PSMG2: variants seen among roughly 807,000 people sequenced by gnomAD.
The protein encoded by PSMG2 is CD40 ligand-activated specific transcript 3.
In PSMG2, 21 loss-of-function variants were observed where a neutral mutation model predicts 31.5. The observed-to-expected ratio is 0.67, with a 90% CI of 0.47 to 0.96. PSMG2 has a LOEUF of 0.96. Among genes scored for constraint, PSMG2 ranks in the 40% least tolerant of loss-of-function variants. The probability of loss-of-function intolerance (pLI) is 0.00; values close to 1 mark genes in which losing one functional copy is unlikely to be tolerated. For missense variants in PSMG2, 318 were observed against 321.2 expected (o/e 0.99, Z 0.08); for synonymous variants, 120 against 110.4 (o/e 1.09, Z -0.54).
intron 1 of PSMG2, chr18:12,685,543 C>T (rs1042189177): frequency 6.6e-6 from 1 of 152,116 alleles, no homozygotes; most frequent in Admixed American, 6.6e-5. Flanking sequence ...GAACAAGGTT[C>T]TGACGTGGTC....
chr18:12,702,425 G>A (rs1398564570), upstream of PSMG2: 12 of 1,331,078 alleles, frequency 9.0e-6, no homozygotes, highest in Non-Finnish European at 1.2e-5. Flanking sequence ...CGGGGCCGCC[G>A]GGCAGGAGGG....
At chr18:12,693,655 C>T (rs1047680287) in intron 1 of PSMG2, among the ~76,000 whole-genome samples, 1 of 151,956 alleles carries the variant, frequency 6.6e-6, no homozygotes. Flanking sequence ...TGGTGGCACC[C>T]ACCTGTAGTC....
chr18:12,683,170 T>C (rs2039409837), intron 1 of PSMG2, among the ~76,000 whole-genome samples: 2 of 92,996 alleles, frequency 2.2e-5, no homozygotes, highest in Non-Finnish European at 4.6e-5. Flanking sequence ...AGAAACCCCA[T>C]CTCTACTAAA....
rs1165889750 is a variant in PSMG2 at position 12,713,767 on chromosome 18, C to CT, written c.288+1020dup. Among the ~76,000 whole-genome samples, 1,179 of 145,632 alleles carry CT rather than the reference C, an allele frequency of 8.1e-3. 12 individuals carry two copies. The highest frequency in any genetic ancestry group is 0.023 in the African/African-American group (928 of 39,988). ...ACCCTGCAAACTCAATAATTTCTTT[C>CT]TTTTTTTTTTTTTGAGACAGTCTCC... On this transcript the variant is annotated intron_variant, in intron 3 of 6. Transcript: ENST00000317615.
intron 1 of PSMG2, among the ~76,000 whole-genome samples, chr18:12,688,930 C>T (rs2039646709): frequency 6.6e-6 from 1 of 152,016 alleles, no homozygotes; most frequent in Non-Finnish European, 1.5e-5. Context: ...CTGGCTAACA[C>T]AGTGAAACCC....
chr18:12,704,389 C>A (rs945186652), intron 1 of PSMG2, among the ~76,000 whole-genome samples: 2 of 152,086 alleles, frequency 1.3e-5, no homozygotes, highest in African/African-American at 4.8e-5. Context: ...GAGTTCAAGA[C>A]CAGCCTGGGC....
intron 1 of PSMG2, among the ~76,000 whole-genome samples, chr18:12,704,879 GA>G (rs2145131306): frequency 6.6e-6 from 1 of 152,254 alleles, no homozygotes; most frequent in South Asian, 2.1e-4. Context: ...TGACAACAGT[GA>G]AAAGTGGGAG....
intron 1 of PSMG2, among the ~76,000 whole-genome samples, chr18:12,690,148 CT>C (rs2039700527): frequency 6.6e-6 from 1 of 152,110 alleles, no homozygotes; most frequent in Admixed American, 6.6e-5. Flanking sequence ...ATGTTGTTAC[CT>C]TGCCAACCAG....
At chr18:12,711,734 T>C (rs564059198) in intron 2 of PSMG2, among the ~76,000 whole-genome samples, 3 of 148,130 alleles carry the variant, frequency 2.0e-5, no homozygotes, top group Admixed American at 1.4e-4. Flanking sequence ...TATCCCTGAC[T>C]CAGGAGCTTC....
intron 1 of PSMG2, among the ~76,000 whole-genome samples, chr18:12,665,451 GTCC>G (rs1237183333): frequency 6.6e-6 from 1 of 152,068 alleles, no homozygotes; most frequent in Non-Finnish European, 1.5e-5. Context: ...CTGAATTCCT[GTCC>G]TCCTCATCTT....
At chr18:12,704,120 C>T (rs1010330043) in intron 1 of PSMG2, among the ~76,000 whole-genome samples, 3 of 151,946 alleles carry the variant, frequency 2.0e-5, no homozygotes, top group African/African-American at 7.3e-5. Flanking sequence ...CAAAAGTAGC[C>T]CAGAGATGTG....
intron 1 of PSMG2, among the ~76,000 whole-genome samples, chr18:12,676,174 C>T (rs75762538): frequency 0.089 from 13,539 of 151,878 alleles, 845 homozygotes; most frequent in Non-Finnish European, 0.13. Flanking sequence ...GCTTTTCCTG[C>T]GGCAAAATGT....
intron 1 of PSMG2, among the ~76,000 whole-genome samples, chr18:12,670,007 GAAAAGAAAAAGA>G (rs1217929363): frequency 4.1e-5 from 6 of 145,050 alleles, no homozygotes; most frequent in Admixed American, 3.4e-4. Context: ...AAAAAAAAAA[GAAAAGAAAAAGA>G]AAAAGAAAAA....
chr18:12,710,364 C>T (rs886879573), intron 2 of PSMG2, among the ~76,000 whole-genome samples: 4 of 152,206 alleles, frequency 2.6e-5, no homozygotes, highest in African/African-American at 9.7e-5. Context: ...CCTTATCCTT[C>T]TTAGTGCCTC....
intron 1 of PSMG2, chr18:12,697,151 A>G (rs1366160644): frequency 1.2e-5 from 14 of 1,124,916 alleles, no homozygotes; most frequent in Admixed American, 2.5e-5. Context: ...AAAGCATTTT[A>G]AAGATATAAA....
intron 2 of PSMG2, among the ~76,000 whole-genome samples, chr18:12,712,431 G>A (rs1233976181): frequency 6.6e-6 from 1 of 152,090 alleles, no homozygotes; most frequent in African/African-American, 2.4e-5. Context: ...CTCTGGTTTT[G>A]CAGTTAAAGT....
intron 6 of PSMG2, 89 bp from the exon 7 acceptor site, chr18:12,725,350 G>T: frequency 9.6e-7 from 1 of 1,043,252 alleles, no homozygotes; most frequent in South Asian, 1.9e-5. Context: ...CAACCAAAAG[G>T]AACACAAAAG....
At chr18:12,674,472 C>T (rs1055889514) in intron 1 of PSMG2, 30 of 1,179,670 alleles carry the variant, frequency 2.5e-5, no homozygotes, top group Admixed American at 4.6e-5. Flanking sequence ...ATTAAAAAAA[C>T]CCCTGCCGGA....
intron 1 of PSMG2, among the ~76,000 whole-genome samples, chr18:12,660,039 A>ACCT (rs2038663503): frequency 6.6e-6 from 1 of 152,010 alleles, no homozygotes; most frequent in East Asian, 1.9e-4. Flanking sequence ...CAACACTACC[A>ACCT]CCTCCTGGCC....
Sources: allele counts gnomAD v4.1 joint callset (sites outside exome capture counted in the v4.1 genomes callset), GRCh38; gene constraint gnomAD v4.1.1; transcripts MANE v1.5; gene names NCBI Gene and HGNC (gene_info 2026-07-23, HGNC 2026-07-21).